The following GTF2H1 variants were observed in gnomAD, a reference collection of about 807,000 sequenced individuals.
GTF2H1 encodes the protein BTF2 p62.
A neutral mutation model predicts 71.2 loss-of-function variants in GTF2H1; 16 were observed. The observed-to-expected ratio is 0.22, with a 90% CI of 0.15 to 0.34. The LOEUF (loss-of-function observed/expected upper bound fraction) is 0.34. GTF2H1 is among the 10% of genes least tolerant of loss of function. GTF2H1 has a pLI of 1.00. For missense variants in GTF2H1, 498 were observed against 648.2 expected, an observed-to-expected ratio of 0.77 and a Z score of 2.52; for synonymous variants, 215 against 219.0, an observed-to-expected ratio of 0.98 and a Z score of 0.16.
intron 9 of GTF2H1, 149 bp downstream of exon 9, chr11:18,348,068 G>A: frequency 1.5e-6 from 1 of 664,588 alleles, no homozygotes; most frequent in South Asian, 1.7e-5. Context: ...GCATTACAAA[G>A]AGTATTTCCC....
intron 2 of GTF2H1, among the ~76,000 whole-genome samples, chr11:18,335,350 C>T (rs900505630): frequency 1.3e-5 from 2 of 152,066 alleles, no homozygotes; most frequent in Non-Finnish European, 2.9e-5. Context: ...TGCCATGGGC[C>T]GCATTTTGCA....
At position 18,340,435 on chromosome 11, in the gene GTF2H1, G is replaced by A. The variant is rs890411880; in HGVS notation, c.607+778G>A. Among the ~76,000 whole-genome samples the A allele has an allele frequency of 2.0e-5, 3 of 152,132 alleles. No homozygotes were observed. In the South Asian group the frequency reaches 6.2e-4, roughly 32 times the overall value. On this transcript the variant is annotated intron_variant, in intron 5 of 14. Coordinates refer to ENST00000265963, the MANE Select transcript of GTF2H1 (RefSeq NM_005316.4). ...CCCAAGTAGCTGGGACTACAGGCAC[G>A]TGCCACCACGCCAAGCTACTTTTTG...
chr11:18,348,036 A>C, intron 9 of GTF2H1, 117 bp downstream of exon 9: 1 of 776,856 alleles, frequency 1.3e-6, no homozygotes, highest in East Asian at 2.7e-5. Flanking sequence ...TAAGATGTTA[A>C]GCATTTGGCT....
rs760121557 is a variant in GTF2H1 at position 18,347,552 on chromosome 11, C to G, written c.838-36C>G. The G allele has an allele frequency of 3.4e-6, 5 of 1,485,648 alleles. No individual in the cohort carries two copies. In the African/African-American group the frequency reaches 4.3e-5, roughly 13 times the overall value. 92.0% of individuals were successfully genotyped at this position (1,485,648 alleles called of 1,614,324 possible). A position where few individuals can be genotyped will look rare whatever the true frequency, so the allele number is the denominator to read the frequency against. Reference sequence around the variant, plus strand: ...TGTCTTATAATAAGAAAAGCAGAACCTTTTTAAAAAATTTTTAATCTATTA... The same window carrying G: ...TGTCTTATAATAAGAAAAGCAGAACGTTTTTAAAAAATTTTTAATCTATTA... On this transcript the variant is annotated intron_variant, in intron 7 of 14. Coordinates refer to ENST00000265963, the MANE Select transcript of GTF2H1 (RefSeq NM_005316.4).
chr11:18,342,642 C>A (rs1865187373), intron 7 of GTF2H1, among the ~76,000 whole-genome samples: 2 of 152,164 alleles, frequency 1.3e-5, no homozygotes, highest in African/African-American at 4.8e-5. Context: ...AGAATCTATA[C>A]AAACATGGCC....
At chr11:18,351,791 T>C (rs1034601026) in intron 9 of GTF2H1, 90 bp from the exon 10 acceptor site, 5 of 672,794 alleles carry the variant, frequency 7.4e-6, no homozygotes, top group African/African-American at 7.2e-5. Flanking sequence ...CTTCATTTTT[T>C]ACCCTCTGTA....
intron 1 of GTF2H1, among the ~76,000 whole-genome samples, chr11:18,330,154 T>A (rs986900946): frequency 6.6e-6 from 1 of 152,232 alleles, no homozygotes; most frequent in Non-Finnish European, 1.5e-5. Flanking sequence ...TCTTAGTTTT[T>A]TAAAATGGCT....
intron 2 of GTF2H1, among the ~76,000 whole-genome samples, chr11:18,333,816 G>C (rs1050408954): frequency 1.3e-4 from 20 of 152,182 alleles, no homozygotes; most frequent in Non-Finnish European, 2.8e-4. Flanking sequence ...AATGCTGATA[G>C]ATGATGCCAG....
At chr11:18,328,823 CAA>C (rs1014351335) in intron 1 of GTF2H1, among the ~76,000 whole-genome samples, 10 of 127,956 alleles carry the variant, frequency 7.8e-5, no homozygotes, top group Admixed American at 1.6e-4. Context: ...GACTCCATCT[CAA>C]AAAAAAAAAA....
intron 7 of GTF2H1, among the ~76,000 whole-genome samples, chr11:18,345,828 C>T (rs1865281202): frequency 7.8e-6 from 1 of 128,900 alleles, no homozygotes; most frequent in Non-Finnish European, 1.6e-5. Flanking sequence ...GTCTTGCTGT[C>T]ACCCAGGCTA....
chr11:18,354,052 T>A (rs1253020844), intron 11 of GTF2H1, among the ~76,000 whole-genome samples: 1 of 152,212 alleles, frequency 6.6e-6, no homozygotes, highest in Non-Finnish European at 1.5e-5. Context: ...GTTTTTAGTC[T>A]CCTTTAAAAT....
At chr11:18,358,979 A>G (rs1303482259) in intron 13 of GTF2H1, among the ~76,000 whole-genome samples, 2 of 152,250 alleles carry the variant, frequency 1.3e-5, no homozygotes, top group Non-Finnish European at 2.9e-5. Context: ...AAAATCCAAA[A>G]TAAGAACTGA....
chr11:18,328,858 G>T (rs531747416), intron 1 of GTF2H1, among the ~76,000 whole-genome samples: 12 of 151,832 alleles, frequency 7.9e-5, no homozygotes, highest in Non-Finnish European at 1.5e-4. Flanking sequence ...CAAACTACAT[G>T]CCTTTTTTTT....
intron 1 of GTF2H1, among the ~76,000 whole-genome samples, chr11:18,324,026 T>A (rs1025736017): frequency 8.6e-5 from 13 of 151,264 alleles, no homozygotes; most frequent in Admixed American, 4.0e-4. Context: ...AAAAAAGAGA[T>A]GGTCTGCTAT....
Position 18,338,225 on chromosome 11 carries a change from C to T in GTF2H1, c.464C>T (p.Ser155Phe), listed in dbSNP as rs1865077991. The change falls in exon 4 of 15, where the codon TCT (serine) becomes TTT (phenylalanine). Residue 155 changes from serine (S) to phenylalanine (F), a missense_variant. Physicochemically the swap from Ser to Phe is radical, Grantham distance 155. Transcript: ENST00000265963. Reference protein sequence around the residue: ...NRLNVNATDSSSTSNHKQDVG... With the variant: ...NRLNVNATDSFSTSNHKQDVG... ...TTAAATGTGAATGCAACAGATAGTT[C>T]TTCCACATCCAATCATAAGCAGGAT... The T allele has an allele frequency of 6.2e-7, 1 of 1,609,928 alleles. No individual in the cohort carries two copies. The highest frequency in any genetic ancestry group is 8.5e-7 in the Non-Finnish European group (1 of 1,176,182).
chr11:18,329,947 C>A (rs1864856223), intron 1 of GTF2H1, among the ~76,000 whole-genome samples: 1 of 152,084 alleles, frequency 6.6e-6, no homozygotes, highest in African/African-American at 2.4e-5. Context: ...AAAAACTAAT[C>A]TGTGGTGATA....
rs1360658543 is a variant in GTF2H1, at chr11:18,322,760, T to C, written c.-16+20T>C. On this transcript the variant is annotated intron_variant, in intron 1 of 14. Transcript: ENST00000265963. ...CACCTGGTAAGTTTAGACCGAAGAA[T>C]GCAGGCGGGCGGGTGGGTGGGCGGG... The C allele has an allele frequency of 1.0e-4, 1 of 9,848 alleles. No homozygotes were observed. Among genetic ancestry groups the C allele is most frequent in the Non-Finnish European group, 1.8e-4 (1 of 5,480 alleles). 0.6% of individuals were successfully genotyped at this position (9,848 alleles called of 1,614,324 possible).
chr11:18,355,706 G>A lies in GTF2H1; in HGVS notation c.1261-2246G>A, dbSNP rs1245200742. Reference sequence around the variant, plus strand: ...TTTTTATATTTTTGTGTGTAGACAGGGTTTCACCACGTTGCCCAGGCTGGT... The same window carrying A: ...TTTTTATATTTTTGTGTGTAGACAGAGTTTCACCACGTTGCCCAGGCTGGT... On this transcript the variant is annotated intron_variant, in intron 11 of 14. Transcript: ENST00000265963. 4.0e-5 allele frequency among the ~76,000 whole-genome samples: 6 copies of A among 151,246 alleles called. No homozygotes were observed. In the East Asian group the frequency reaches 7.9e-4, roughly 20 times the overall value.
At chr11:18,325,100 A>G (rs1864730020) in intron 1 of GTF2H1, among the ~76,000 whole-genome samples, 1 of 152,268 alleles carries the variant, frequency 6.6e-6, no homozygotes, top group South Asian at 2.1e-4. Context: ...GCTGGCAGAT[A>G]TAACAGTGCT....
Sources: gnomAD v4.1 joint callset for allele counts (sites outside exome capture counted in the v4.1 genomes callset) on GRCh38, gnomAD v4.1.1 for gene constraint, MANE v1.5 for transcripts, NCBI Gene and HGNC (gene_info 2026-07-23, HGNC 2026-07-21) for gene names.